The following TUBGCP6 variants were observed in gnomAD, a reference collection of about 807,000 sequenced individuals.
TUBGCP6 encodes tubulin gamma complex component 6, also known as gamma-tubulin complex component 6.
TUBGCP6 carries 161 observed loss-of-function variants against 175.8 expected under a neutral mutation model. The observed-to-expected ratio is 0.92, with a 90% CI of 0.81 to 1.04. The LOEUF is 1.04. TUBGCP6 is among the 50% of genes least tolerant of loss of function. The probability of loss-of-function intolerance (pLI) is 0.00; values close to 1 mark genes in which losing one functional copy is unlikely to be tolerated. For missense variants in TUBGCP6, 2,572 were observed against 2,433.0 expected, an observed-to-expected ratio of 1.06 and a Z score of -1.20; for synonymous variants, 1,173 against 1,030.5, an observed-to-expected ratio of 1.14 and a Z score of -2.65.
At position 50,229,472 on chromosome 22, in the gene TUBGCP6, T is replaced by C; in HGVS notation, c.1222A>G (p.Thr408Ala). The C allele has an allele frequency of 6.2e-7, 1 of 1,613,124 alleles. No individual in the cohort carries two copies. The highest frequency in any genetic ancestry group is 8.5e-7 in the Non-Finnish European group (1 of 1,179,782). ...SEVAEYGTCY[T>A]RLSHFSLQPV... is the part of the protein sequence containing the mutation. ...TGCAGAGAGAAATGACTCAGGCGCG[T>C]GTAGCAGGTCCCATACTCGGCCACT... is the stretch of plus-strand genomic sequence containing the variant. The change falls in exon 4 of 25, where the codon ACG becomes GCG. Residue 408 changes from threonine (T) to alanine (A), a missense_variant. Physicochemically the swap from Thr to Ala is moderately conservative, Grantham distance 58. Coordinates refer to ENST00000248846, the MANE Select transcript of TUBGCP6 (RefSeq NM_020461.4).
chr22:50,239,652 GAGCTTCTCATCACCC>G (rs1349263709), intron 2 of TUBGCP6, among the ~76,000 whole-genome samples: 1 of 152,196 alleles, frequency 6.6e-6, no homozygotes, highest in Non-Finnish European at 1.5e-5. Flanking sequence ...GCTGCAGCTG[GAGCTTCTCATCACCC>G]AGACTGCCCC....
chr22:50,218,120 G>A lies in TUBGCP6; in HGVS notation c.5169-3C>T, dbSNP rs369527843. On this transcript the variant is annotated splice_region_variant and splice_polypyrimidine_tract_variant and intron_variant, in intron 23 of 24. Transcript: ENST00000248846. ...CCGCCTTCTCCGTGAGCAGGCCCCTGGGGGGAAGCAGTGCTGCTGGGTGGG... is the reference window on the plus strand; with the variant it reads ...CCGCCTTCTCCGTGAGCAGGCCCCTAGGGGGAAGCAGTGCTGCTGGGTGGG... 3.8e-5 allele frequency: 62 copies of A among 1,611,716 alleles called. No homozygotes were observed. Among genetic ancestry groups the A allele is most frequent in the Non-Finnish European group, 5.1e-5 (60 of 1,179,502 alleles).
chr22:50,240,856 G>A (rs2147214682), intron 1 of TUBGCP6, among the ~76,000 whole-genome samples: 1 of 152,290 alleles, frequency 6.6e-6, no homozygotes, highest in East Asian at 1.9e-4. Flanking sequence ...AGGCGTGGTG[G>A]TGGGCACCTG....
rs2064529344 is a variant in TUBGCP6, at chr22:50,221,849, G to A, written c.2510C>T (p.Pro837Leu). ...PQVTSPGPEH[P>L]EGGQGCDSGS... The stretch of plus-strand genomic sequence containing the variant: ...AGAATCACAGCCTTGGCCTCCCTCT[G>A]GGTGCTCAGGGCCCGGAGACGTGAC... Residue 837 changes from proline to leucine, a missense_variant, in exon 16 of 25, where the codon CCA becomes CTA. Physicochemically the swap from Pro to Leu is moderately conservative, Grantham distance 98. Transcript: ENST00000248846. The A allele has an allele frequency of 1.9e-5, 29 of 1,511,768 alleles. No individual in the cohort carries two copies. The highest frequency in any genetic ancestry group is 2.5e-5 in the Non-Finnish European group (28 of 1,130,618). The allele number at this position is 1,511,768 out of a possible 1,614,324, so 93.6% of individuals were successfully genotyped here.
intron 14 of TUBGCP6, 50 bp downstream of exon 14, chr22:50,222,404 A>G (rs2064542424): frequency 1.2e-6 from 2 of 1,607,260 alleles, no homozygotes; most frequent in Non-Finnish European, 1.7e-6. Context: ...GGGGGTTTCC[A>G]GACCCCCAAA....
Position 50,244,856 on chromosome 22 carries a change from G to A in TUBGCP6, c.-397C>T, listed in dbSNP as rs2064900362. 1 of 224,024 alleles carries A rather than the reference G, an allele frequency of 4.5e-6. No individual in the cohort carries two copies. 13.9% of individuals were successfully genotyped at this position (224,024 alleles called of 1,614,324 possible). A position where few individuals can be genotyped will look rare whatever the true frequency, so the allele number is the denominator to read the frequency against. ...CGGGACCCACGAGAGGAGACGGCCA[G>A]GAGAGGGTGCCACTCCGAGGGTCGT... On this transcript the variant is annotated 5_prime_UTR_variant, in exon 1 of 25. Coordinates refer to ENST00000248846, the MANE Select transcript of TUBGCP6 (RefSeq NM_020461.4).
Position 50,218,859 on chromosome 22 carries a change from C to T in TUBGCP6, c.4665G>A (p.Pro1555=), listed in dbSNP as rs371917612. The T allele has an allele frequency of 4.6e-5, 74 of 1,613,560 alleles. No homozygotes were observed. The highest frequency in any genetic ancestry group is 4.5e-4 in the South Asian group (41 of 91,066). Residue 1555 remains proline, a synonymous_variant, in exon 21 of 25, where the codon CCG becomes CCA. Coordinates refer to ENST00000248846, the MANE Select transcript of TUBGCP6 (RefSeq NM_020461.4). ...TGCTCAGCACAGAGTTCAGCACCAG[C>T]GGGTTGAGCAGCTCTCCGGGCGTTT... ...AGQTPGELLN[P]LVLNSVLSKA... is the part of the protein sequence containing the mutation.
In TUBGCP6 at chr22:50,227,776, C is replaced by T. The variant is rs907164454; in HGVS notation, c.1412+131G>A. 6.1e-6 allele frequency: 8 copies of T among 1,318,206 alleles called. No homozygotes were observed. The African/African-American group carries it at 1.2e-4, about 20-fold the overall frequency. The allele number at this position is 1,318,206 out of a possible 1,614,324, so 81.7% of individuals were successfully genotyped here. Reference sequence around the variant, plus strand: ...CTGGTGAACTCGGCCGGCCAAGGGCCATCCGGTCGCCTGCTGAGGGCTGTT... The same window carrying T: ...CTGGTGAACTCGGCCGGCCAAGGGCTATCCGGTCGCCTGCTGAGGGCTGTT... On this transcript the variant is annotated intron_variant, in intron 5 of 24. Transcript: ENST00000248846.
At position 50,220,538 on chromosome 22, in the gene TUBGCP6, G is replaced by A. The variant is rs372985169; in HGVS notation, c.3821C>T (p.Pro1274Leu). The A allele has an allele frequency of 7.3e-5, 118 of 1,613,570 alleles. 2 individuals carry two copies. Among genetic ancestry groups the A allele is most frequent in the South Asian group, 5.9e-4 (54 of 91,088 alleles). The change falls in exon 16 of 25, where the codon CCG (proline) becomes CTG (leucine). Residue 1274 changes from proline (P) to leucine (L), a missense_variant. By Grantham distance (98) the Pro-to-Leu change is moderately conservative (BLOSUM62 -3). Coordinates refer to ENST00000248846, the MANE Select transcript of TUBGCP6 (RefSeq NM_020461.4). ...GAGAGCCCCCAGCACCATGTGGGGC[G>A]GAGGGATGGGTACATGGGTGTTCCA... is the stretch of plus-strand genomic sequence containing the variant. ...PRWNTHVPIP[P>L]PHMVLGALSP...
Position 50,244,321 on chromosome 22 carries a change from T to C in TUBGCP6, c.139A>G (p.Thr47Ala). The change falls in exon 1 of 25, where the codon ACA becomes GCA. Residue 47 changes from threonine (T) to alanine (A), a missense_variant. By Grantham distance (58) the Thr-to-Ala change is moderately conservative (BLOSUM62 0). Coordinates refer to ENST00000248846, the MANE Select transcript of TUBGCP6 (RefSeq NM_020461.4). ...LKKVAYNALF[T>A]NLFQDETQQL... ...TGAGTCTCATCTTGAAAAAGATTTGTGAAAAGAGCATTGTAGGCCACCTTC... is the reference window on the plus strand; with the variant it reads ...TGAGTCTCATCTTGAAAAAGATTTGCGAAAAGAGCATTGTAGGCCACCTTC... The C allele has an allele frequency of 6.2e-7, 1 of 1,613,630 alleles. No homozygotes were observed. Among genetic ancestry groups the C allele is most frequent in the Non-Finnish European group, 8.5e-7 (1 of 1,180,036 alleles).
At chr22:50,222,002 A>G (rs944517670) in intron 15 of TUBGCP6, 26 bp downstream of exon 15, 17 of 1,613,258 alleles carry the variant, frequency 1.1e-5, no homozygotes, top group Non-Finnish European at 1.3e-5. Context: ...ACCATAGGGC[A>G]CCCTGGGTTC....
chr22:50,242,601 G>T (rs2064853725), intron 1 of TUBGCP6, among the ~76,000 whole-genome samples: 1 of 152,222 alleles, frequency 6.6e-6, no homozygotes, highest in Non-Finnish European at 1.5e-5. Context: ...TAGTAACAAT[G>T]TATCCTTTTG....
rs9628305 is a variant in TUBGCP6 at position 50,217,697 on chromosome 22, G to T, written c.*39C>A. On this transcript the variant is annotated 3_prime_UTR_variant, in exon 25 of 25. Transcript: ENST00000248846. ...GGAGAGAGAGCTGCAGACAGGGTCC[G>T]AGAACACCTTTATTGTGCACGTCCC... 3 of 1,589,646 alleles carry T rather than the reference G, an allele frequency of 1.9e-6. No individual in the cohort carries two copies. Among genetic ancestry groups the T allele is most frequent in the East Asian group, 2.2e-5 (1 of 44,474 alleles).
At position 50,227,031 on chromosome 22, in the gene TUBGCP6, A is replaced by C; in HGVS notation, c.1459T>G (p.Cys487Gly). ...CGVGAVLPGT[C>G]GGGPRAAFPT... ...AACGCGGCCCTGGGGCCTCCTCCAC[A>C]GGTGCCCGGGAGCACAGCGCCAACG... The change falls in exon 6 of 25, where the codon TGT (cysteine) becomes GGT (glycine). Residue 487 changes from cysteine (C) to glycine (G), a missense_variant. Physicochemically the swap from Cys to Gly is radical, Grantham distance 159. Transcript: ENST00000248846. 6.2e-7 allele frequency: 1 copy of C among 1,612,530 alleles called. No individual in the cohort carries two copies. Among genetic ancestry groups the C allele is most frequent in the South Asian group, 1.1e-5 (1 of 90,828 alleles).
intron 1 of TUBGCP6, among the ~76,000 whole-genome samples, chr22:50,241,103 C>T (rs1054056288): frequency 2.0e-5 from 3 of 152,174 alleles, no homozygotes; most frequent in Admixed American, 6.5e-5. Flanking sequence ...TATATATGAA[C>T]GTTATTAATC....
At chr22:50,226,623 C>T in intron 7 of TUBGCP6, 110 bp downstream of exon 7, 1 of 1,028,434 alleles carries the variant, frequency 9.7e-7, no homozygotes, top group Non-Finnish European at 1.4e-6. Context: ...ATCCTGCCCT[C>T]CCCTTCCTGT....
chr22:50,220,153 G>A (rs1309933688), intron 16 of TUBGCP6, 98 bp downstream of exon 16: 6 of 1,549,222 alleles, frequency 3.9e-6, no homozygotes, highest in South Asian at 1.2e-5. Context: ...GGAGGCCTGA[G>A]GGGAACTTCA....
intron 18 of TUBGCP6, 40 bp from the exon 19 acceptor site, chr22:50,219,496 G>GC (rs768403545): frequency 6.3e-7 from 1 of 1,595,752 alleles, no homozygotes; most frequent in South Asian, 1.1e-5. Context: ...GAACCGGCCA[G>GC]CCCAGGGCTC....
chr22:50,218,242 G>T lies in TUBGCP6; in HGVS notation c.5115C>A (p.Asp1705Glu). 6.2e-7 allele frequency: 1 copy of T among 1,612,984 alleles called. No homozygotes were observed. The highest frequency in any genetic ancestry group is 1.1e-5 in the South Asian group (1 of 91,086). ...CGTGCGCACGCTGGATCTCCTCCAG[G>T]TCGCCCACGGTGGCCAACCTGGCCC... ...EFRARLATVGDLEEIQRAHAE... is the reference protein window; with the variant it reads ...EFRARLATVGELEEIQRAHAE... Residue 1705 changes from aspartate to glutamate, a missense_variant, in exon 23 of 25, where the codon GAC becomes GAA. Physicochemically the swap from Asp to Glu is conservative, Grantham distance 45. Coordinates refer to ENST00000248846, the MANE Select transcript of TUBGCP6 (RefSeq NM_020461.4).
Sources: gnomAD v4.1 joint callset for allele counts (sites outside exome capture counted in the v4.1 genomes callset) on GRCh38, gnomAD v4.1.1 for gene constraint, MANE v1.5 for transcripts, NCBI Gene and HGNC (gene_info 2026-07-23, HGNC 2026-07-21) for gene names.